Variants in PPM1B observed in about 807,000 individuals in gnomAD.
PPM1B encodes protein phosphatase, Mg2+/Mn2+ dependent 1B.
Under a neutral mutation model 43.0 loss-of-function variants are expected in PPM1B, and 22 were observed. The ratio of observed to expected loss-of-function variants is 0.51; its 90% CI spans 0.37 to 0.73. PPM1B has a LOEUF of 0.73. Among genes scored for constraint, PPM1B ranks in the 30% least tolerant of loss-of-function variants. The pLI, the probability that PPM1B is intolerant of heterozygous loss-of-function variation, is 0.00. For synonymous variants in PPM1B, 217 were observed against 197.9 expected (o/e 1.10, Z -0.81); for missense variants, 632 against 584.2 (o/e 1.08, Z -0.84).
intron 3 of PPM1B, 154 bp downstream of exon 3, chr2:44,209,481 G>T: frequency 1.1e-6 from 1 of 913,686 alleles, no homozygotes; most frequent in Non-Finnish European, 1.6e-6. Context: ...TTTATCAAAT[G>T]ATTATTTTAA....
At chr2:44,173,550 G>C (rs368538177) in intron 1 of PPM1B, among the ~76,000 whole-genome samples, 2 of 152,158 alleles carry the variant, frequency 1.3e-5, no homozygotes, top group African/African-American at 4.8e-5. Context: ...CCATGACACA[G>C]AAGAGTGCTT....
chr2:44,217,970 T>G lies in PPM1B; in HGVS notation c.968T>G (p.Ile323Ser), dbSNP rs1376097860. The G allele has an allele frequency of 5.0e-6, 8 of 1,594,716 alleles. No homozygotes were observed. Residue 323 changes from isoleucine (I) to serine (S), a missense_variant, in exon 4 of 6, where the codon ATT becomes AGT. Around this residue, in one of 3 missense-constraint regions of PPM1B, gnomAD observed 392 missense variants for 302.7 expected, o/e 1.29. Coordinates refer to ENST00000282412, the MANE Select transcript of PPM1B (RefSeq NM_002706.6). ...DKHLESRVEE[I>S]MEKSGEEGMP... ...ACTTTTTTTAAAAAACCTACAGAGA[T>G]TATGGAGAAGTCTGGCGAGGAAGGA...
intron 1 of PPM1B, among the ~76,000 whole-genome samples, chr2:44,184,159 G>T (rs191676165): frequency 6.6e-6 from 1 of 152,334 alleles, no homozygotes; most frequent in African/African-American, 2.4e-5. Flanking sequence ...TTATTGTGAG[G>T]ATTAAATGAG....
Position 44,229,610 on chromosome 2 carries a change from A to T in PPM1B, c.1135-803A>T, listed in dbSNP as rs543603751. ...ACTGGGAATTAGCATTATTAGATTC[A>T]TTCTAAACATTTTTTGGCACGAATA... On this transcript the variant is annotated intron_variant, in intron 5 of 5. Transcript: ENST00000282412. 3.3e-5 allele frequency among the ~76,000 whole-genome samples: 5 copies of T among 152,296 alleles called. No individual in the cohort carries two copies. The South Asian group carries it at 1.0e-3, about 32-fold the overall frequency.
At chr2:44,241,854 A>C (rs1437286882) in intron 5 of PPM1B, among the ~76,000 whole-genome samples, 1 of 50,274 alleles carries the variant, frequency 2.0e-5, no homozygotes, top group African/African-American at 8.1e-5. Flanking sequence ...ATTAGAAAAT[A>C]ATCTTTTTTT....
At chr2:44,205,705 A>G (rs1669159636) in intron 2 of PPM1B, among the ~76,000 whole-genome samples, 1 of 152,146 alleles carries the variant, frequency 6.6e-6, no homozygotes, top group Non-Finnish European at 1.5e-5. Flanking sequence ...AAAAGTCGGT[A>G]TTCTTTTAAA....
At chr2:44,180,744 A>G (rs1017804221) in intron 1 of PPM1B, among the ~76,000 whole-genome samples, 4 of 151,904 alleles carry the variant, frequency 2.6e-5, no homozygotes, top group African/African-American at 9.7e-5. Flanking sequence ...TCGAGGAGCT[A>G]GGACTACAGG....
intron 5 of PPM1B, among the ~76,000 whole-genome samples, chr2:44,224,710 G>C (rs558094434): frequency 6.6e-6 from 1 of 151,846 alleles, no homozygotes; most frequent in East Asian, 1.9e-4. Flanking sequence ...TAAAAACTAG[G>C]GTGGATGGGA....
At chr2:44,229,154 C>T (rs1338203802) in intron 5 of PPM1B, among the ~76,000 whole-genome samples, 3 of 151,320 alleles carry the variant, frequency 2.0e-5, no homozygotes, top group African/African-American at 7.3e-5. Context: ...TGCCCTCCAG[C>T]CTGGGCAACA....
At chr2:44,226,088 G>T (rs911423028) in intron 5 of PPM1B, among the ~76,000 whole-genome samples, 1 of 150,628 alleles carries the variant, frequency 6.6e-6, no homozygotes, top group African/African-American at 2.4e-5. Flanking sequence ...CCATTCTCCT[G>T]CCTCAGCCTC....
At chr2:44,239,408 C>G (rs11686651), downstream of PPM1B, among the ~76,000 whole-genome samples, 56,098 of 151,806 alleles carry the variant, frequency 0.37, 12,860 homozygotes, top group Middle Eastern at 0.54. Flanking sequence ...CTTTGTTATG[C>G]GAGCTGCAAA....
chr2:44,222,117 C>G (rs755107427), intron 5 of PPM1B, among the ~76,000 whole-genome samples: 4 of 151,988 alleles, frequency 2.6e-5, no homozygotes, highest in African/African-American at 9.7e-5. Flanking sequence ...TTATATTAGA[C>G]AGGGCTCTGG....
At chr2:44,192,186 T>TTATGG (rs1553329822) in intron 1 of PPM1B, among the ~76,000 whole-genome samples, 136 of 48,826 alleles carry the variant, frequency 2.8e-3, no homozygotes, top group Non-Finnish European at 4.5e-3. Flanking sequence ...TTATGTTATG[T>TTATGG]TATGGTATTG....
intron 3 of PPM1B, among the ~76,000 whole-genome samples, chr2:44,212,690 C>T (rs1279752471): frequency 1.3e-5 from 2 of 151,994 alleles, no homozygotes; most frequent in Admixed American, 6.6e-5. Flanking sequence ...CTAGGATTTG[C>T]TTATTAGTTA....
chr2:44,177,170 T>A (rs975724787), intron 1 of PPM1B, among the ~76,000 whole-genome samples: 6 of 152,182 alleles, frequency 3.9e-5, no homozygotes, highest in African/African-American at 1.4e-4. Flanking sequence ...TATATTAAAT[T>A]TAGTACTGTA....
downstream of PPM1B, chr2:44,234,785 A>G (rs1245591311): frequency 2.2e-5 from 4 of 179,024 alleles, no homozygotes; most frequent in Non-Finnish European, 3.2e-5. Flanking sequence ...GAGAAATTAT[A>G]CATACTGTTT....
At chr2:44,236,968 T>C (rs1670640242), downstream of PPM1B, among the ~76,000 whole-genome samples, 1 of 152,228 alleles carries the variant, frequency 6.6e-6, no homozygotes. Context: ...TTTTCACATA[T>C]TAGACAATTC....
At chr2:44,229,526 A>G (rs893215808) in intron 5 of PPM1B, among the ~76,000 whole-genome samples, 1 of 152,148 alleles carries the variant, frequency 6.6e-6, no homozygotes, top group African/African-American at 2.4e-5. Flanking sequence ...TTCTGAATTC[A>G]TATGATTGTT....
At chr2:44,245,285 T>C (rs962119280), downstream of PPM1B, among the ~76,000 whole-genome samples, 3 of 151,550 alleles carry the variant, frequency 2.0e-5, no homozygotes, top group Non-Finnish European at 2.9e-5. Flanking sequence ...TCTCTAACTA[T>C]ATAGTTATAA....
Sources: allele counts gnomAD v4.1 joint callset (sites outside exome capture counted in the v4.1 genomes callset), GRCh38; gene constraint gnomAD v4.1.1; regional missense constraint gnomAD v4.1.1; transcripts MANE v1.5; gene names NCBI Gene and HGNC (gene_info 2026-07-23, HGNC 2026-07-21).